CA10: variants seen among roughly 807,000 people sequenced by gnomAD.
CA10 encodes the protein carbonic anhydrase-related protein 10.
In CA10, 14 loss-of-function variants were observed where a neutral mutation model predicts 44.2. The observed-to-expected ratio is 0.32, with a 90% CI of 0.21 to 0.50. CA10 has a LOEUF of 0.50. Among genes scored for constraint, CA10 ranks in the 20% least tolerant of loss-of-function variants. The probability of loss-of-function intolerance (pLI) is 0.99; values close to 1 mark genes in which losing one functional copy is unlikely to be tolerated. For missense variants in CA10, 350 were observed against 409.7 expected (o/e 0.85, Z 1.26); for synonymous variants, 159 against 141.6 (o/e 1.12, Z -0.87).
chr17:51,785,996 T>A (rs1906255893), intron 3 of CA10, among the ~76,000 whole-genome samples: 1 of 152,168 alleles, frequency 6.6e-6, no homozygotes, highest in Non-Finnish European at 1.5e-5. Flanking sequence ...CTTTCATCAG[T>A]GTTTTATTGT....
At chr17:52,078,134 A>T (rs1009224099) in intron 1 of CA10, among the ~76,000 whole-genome samples, 12 of 152,208 alleles carry the variant, frequency 7.9e-5, no homozygotes. Flanking sequence ...CAAGTCAACT[A>T]ATTTAACTAA....
intron 2 of CA10, among the ~76,000 whole-genome samples, chr17:51,973,462 T>C (rs1392899265): frequency 6.6e-6 from 1 of 152,216 alleles, no homozygotes; most frequent in Non-Finnish European, 1.5e-5. Context: ...ACAGTGTACA[T>C]AAGCAAGGCT....
intron 3 of CA10, among the ~76,000 whole-genome samples, chr17:51,863,797 T>C (rs1350584043): frequency 6.6e-6 from 1 of 152,178 alleles, no homozygotes; most frequent in Non-Finnish European, 1.5e-5. Context: ...ATTCTAAATG[T>C]GAAACTCCCA....
chr17:52,035,480 G>A (rs2144181050), intron 2 of CA10, among the ~76,000 whole-genome samples: 1 of 152,310 alleles, frequency 6.6e-6, no homozygotes, highest in East Asian at 1.9e-4. Flanking sequence ...GAGCCCAAGA[G>A]CCATGAGTGT....
intron 2 of CA10, among the ~76,000 whole-genome samples, chr17:51,982,715 C>T (rs780366721): frequency 6.6e-6 from 1 of 151,876 alleles, no homozygotes; most frequent in Non-Finnish European, 1.5e-5. Flanking sequence ...ATACCACAAC[C>T]TTTTCCCAAT....
At chr17:52,139,672 G>A (rs1388539578) in intron 1 of CA10, among the ~76,000 whole-genome samples, 1 of 151,984 alleles carries the variant, frequency 6.6e-6, no homozygotes, top group Non-Finnish European at 1.5e-5. Context: ...GTGATATGGT[G>A]GCTGAGCTCA....
intron 2 of CA10, among the ~76,000 whole-genome samples, chr17:52,041,104 C>G (rs1283191721): frequency 5.3e-5 from 8 of 151,964 alleles, no homozygotes; most frequent in Non-Finnish European, 1.0e-4. Context: ...AGCAAAGCTT[C>G]CAAGCCTACA....
chr17:52,039,665 T>C (rs1258085803), intron 2 of CA10, among the ~76,000 whole-genome samples: 4 of 152,116 alleles, frequency 2.6e-5, no homozygotes, highest in African/African-American at 9.7e-5. Context: ...TTCTTTGTCA[T>C]GGGAAGTAAT....
chr17:51,829,685 C>T (rs973077600), intron 3 of CA10, among the ~76,000 whole-genome samples: 3 of 152,000 alleles, frequency 2.0e-5, no homozygotes, highest in Non-Finnish European at 4.4e-5. Context: ...CTCATACAGT[C>T]CAGTGAGGTG....
intron 2 of CA10, among the ~76,000 whole-genome samples, chr17:51,988,564 T>C (rs1984925885): frequency 6.6e-6 from 1 of 152,040 alleles, no homozygotes; most frequent in Admixed American, 6.6e-5. Context: ...AAAACTGTCA[T>C]GCAGTAAATA....
chr17:52,090,908 T>A (rs1988241184), intron 1 of CA10, among the ~76,000 whole-genome samples: 1 of 152,076 alleles, frequency 6.6e-6, no homozygotes, highest in Admixed American at 6.6e-5. Flanking sequence ...GAAGTTACCA[T>A]GAACCAAGGA....
chr17:51,726,067 G>A (rs1016976585), intron 4 of CA10, among the ~76,000 whole-genome samples: 3 of 152,242 alleles, frequency 2.0e-5, no homozygotes, highest in African/African-American at 7.2e-5. Context: ...AATCTTGAAA[G>A]AGAAGTAGGA....
At chr17:51,714,240 C>T (rs1180468479) in intron 4 of CA10, among the ~76,000 whole-genome samples, 1 of 152,130 alleles carries the variant, frequency 6.6e-6, no homozygotes, top group African/African-American at 2.4e-5. Context: ...GGCAAAGTCT[C>T]ATAGGGGAAC....
chr17:51,636,085 C>T (rs1912814498), intron 6 of CA10, 76 bp from the exon 7 acceptor site: 1 of 750,640 alleles, frequency 1.3e-6, no homozygotes, highest in Non-Finnish European at 2.1e-6. Flanking sequence ...TACATACATA[C>T]ATACATATAC....
chr17:51,752,110 G>T (rs767627943), intron 3 of CA10, among the ~76,000 whole-genome samples: 31 of 151,978 alleles, frequency 2.0e-4, no homozygotes, highest in Admixed American at 3.3e-4. Context: ...TCTTCCCATA[G>T]ATACCGAAAT....
chr17:52,004,350 C>A (rs957762533), intron 2 of CA10, among the ~76,000 whole-genome samples: 17 of 151,874 alleles, frequency 1.1e-4, no homozygotes, highest in Middle Eastern at 3.4e-3. Flanking sequence ...GAACCCAAAC[C>A]AAAAGACACA....
intron 2 of CA10, among the ~76,000 whole-genome samples, chr17:51,969,253 G>T (rs1183302414): frequency 6.6e-6 from 1 of 151,960 alleles, no homozygotes; most frequent in Non-Finnish European, 1.5e-5. Flanking sequence ...CATCTTCTCT[G>T]TGACAGACAC....
At chr17:51,904,973 T>TA (rs1407442442) in intron 3 of CA10, among the ~76,000 whole-genome samples, 1 of 152,120 alleles carries the variant, frequency 6.6e-6, no homozygotes, top group African/African-American at 2.4e-5. Flanking sequence ...CTAGAAACAT[T>TA]AAAAAATACT....
At position 51,913,402 on chromosome 17, in the gene CA10, G is replaced by T. The variant is rs77477703; in HGVS notation, c.279+17588C>A. On this transcript the variant is annotated intron_variant, in intron 3 of 8. Transcript: ENST00000451037. ...TGACTCAGTCTCTGAGTCTCACCTG[G>T]TGCAGTTCACTCAAATGGTATCCTA... Among the ~76,000 whole-genome samples the T allele has an allele frequency of 9.6e-3, 1,457 of 152,212 alleles. 8 individuals are homozygous for T. Among genetic ancestry groups the T allele is most frequent in the South Asian group, 0.021 (102 of 4,822 alleles).
Sources: gnomAD v4.1 joint callset for allele counts (sites outside exome capture counted in the v4.1 genomes callset) on GRCh38, gnomAD v4.1.1 for gene constraint, MANE v1.5 for transcripts, NCBI Gene and HGNC (gene_info 2026-07-23, HGNC 2026-07-21) for gene names.